Variants in PSD3 observed in about 807,000 individuals in gnomAD.
PSD3 encodes pleckstrin and Sec7 domain containing 3, also known as PH and SEC7 domain-containing protein 3.
In PSD3, 49 loss-of-function variants were observed where a neutral mutation model predicts 105.5. That is an observed-to-expected ratio of 0.46 (90% CI 0.37 to 0.59). The LOEUF is 0.59. Ranked by LOEUF, PSD3 falls within the 20% of genes least tolerant of loss-of-function variation. The pLI, the probability that PSD3 is intolerant of heterozygous loss-of-function variation, is 0.00. For missense variants in PSD3, 1,561 were observed against 1,263.8 expected, an observed-to-expected ratio of 1.24 and a Z score of -3.57; for synonymous variants, 557 against 457.8, an observed-to-expected ratio of 1.22 and a Z score of -2.77.
intron 9 of PSD3, among the ~76,000 whole-genome samples, chr8:18,762,327 G>A (rs762902753): frequency 8.5e-5 from 13 of 152,192 alleles, no homozygotes; most frequent in East Asian, 1.9e-4. Context: ...CTTCTGCCAC[G>A]ATTTTAGGTT....
At chr8:18,952,995 T>G (rs1383518272) in intron 1 of PSD3, among the ~76,000 whole-genome samples, 1 of 152,086 alleles carries the variant, frequency 6.6e-6, no homozygotes, top group Non-Finnish European at 1.5e-5. Context: ...CAACATATAT[T>G]TAAATATCTA....
rs28610925 is a variant in PSD3 at position 18,690,205 on chromosome 8, C to T, written c.2173-34520G>A. On this transcript the variant is annotated intron_variant, in intron 9 of 15. Coordinates refer to ENST00000327040, the MANE Select transcript of PSD3 (RefSeq NM_015310.4). ...AGGACAAAATCAACTGTACCAATAG[C>T]GTAGGAACTGGTCTTGGAGTCCTGA... Among the ~76,000 whole-genome samples, 1,186 of 152,224 alleles carry T rather than the reference C, an allele frequency of 7.8e-3. 16 individuals carry two copies. The highest frequency in any genetic ancestry group is 0.026 in the African/African-American group (1,095 of 41,518).
chr8:18,945,401 G>A (rs1225186819), intron 1 of PSD3, among the ~76,000 whole-genome samples: 1 of 152,210 alleles, frequency 6.6e-6, no homozygotes, highest in Admixed American at 6.5e-5. Flanking sequence ...TTTGAAGATG[G>A]AGGAAGGGGC....
chr8:18,842,970 C>A (rs1292705428), intron 4 of PSD3, among the ~76,000 whole-genome samples: 4 of 152,136 alleles, frequency 2.6e-5, no homozygotes, highest in Non-Finnish European at 5.9e-5. Flanking sequence ...TCATATCATT[C>A]TTTTATAAAG....
intron 10 of PSD3, among the ~76,000 whole-genome samples, chr8:18,634,058 A>G (rs563725436): frequency 5.9e-5 from 9 of 152,042 alleles, no homozygotes; most frequent in Non-Finnish European, 1.0e-4. Flanking sequence ...CCATTTGTAT[A>G]TCTTCTTTTG....
At chr8:18,702,623 C>T (rs2004292) in intron 9 of PSD3, among the ~76,000 whole-genome samples, 78,996 of 150,926 alleles carry the variant, frequency 0.52, 23,237 homozygotes, top group African/African-American at 0.8. Flanking sequence ...TTCTTTCTTT[C>T]TTTTTTTGAG....
intron 1 of PSD3, among the ~76,000 whole-genome samples, chr8:18,976,899 A>G (rs909401600): frequency 2.0e-5 from 3 of 152,218 alleles, no homozygotes; most frequent in African/African-American, 7.2e-5. Context: ...CAAAGGACGT[A>G]TATGTGGCTG....
At chr8:19,058,702 T>G (rs778338112) in intron 1 of PSD3, among the ~76,000 whole-genome samples, 1 of 152,116 alleles carries the variant, frequency 6.6e-6, no homozygotes, top group Admixed American at 6.5e-5. Context: ...TTTCTTGAAG[T>G]TTGGAGATGT....
At chr8:18,542,109 C>A (rs901605060) in intron 15 of PSD3, among the ~76,000 whole-genome samples, 1 of 152,110 alleles carries the variant, frequency 6.6e-6, no homozygotes, top group Non-Finnish European at 1.5e-5. Context: ...CCACTGTGAG[C>A]TTCAAAATAA....
intron 1 of PSD3, among the ~76,000 whole-genome samples, chr8:19,019,113 T>G (rs568930171): frequency 1.3e-5 from 2 of 152,264 alleles, no homozygotes; most frequent in Admixed American, 6.5e-5. Flanking sequence ...AGTTTCTTAT[T>G]CCTGGTGAAA....
intron 10 of PSD3, among the ~76,000 whole-genome samples, chr8:18,646,693 G>T (rs1375143010): frequency 6.6e-6 from 1 of 152,014 alleles, no homozygotes; most frequent in Non-Finnish European, 1.5e-5. Flanking sequence ...AAACTCTTGG[G>T]TGAAAAGAAA....
intron 1 of PSD3, among the ~76,000 whole-genome samples, chr8:18,985,099 A>G (rs981160633): frequency 6.6e-6 from 1 of 152,106 alleles, no homozygotes; most frequent in Non-Finnish European, 1.5e-5. Flanking sequence ...ACACCCGGCT[A>G]ATTTTTATAT....
At chr8:18,693,828 T>C (rs1388969226) in intron 9 of PSD3, among the ~76,000 whole-genome samples, 2 of 152,204 alleles carry the variant, frequency 1.3e-5, no homozygotes, top group African/African-American at 4.8e-5. Context: ...TTCAATAGAT[T>C]CCTTTTTACT....
chr8:19,064,400 A>G (rs1027846281), intron 1 of PSD3, among the ~76,000 whole-genome samples: 2 of 152,144 alleles, frequency 1.3e-5, no homozygotes, highest in African/African-American at 4.8e-5. Flanking sequence ...TTATTTACAC[A>G]ACAGTTATAC....
intron 3 of PSD3, among the ~76,000 whole-genome samples, chr8:18,868,916 T>C (rs1008946915): frequency 1.3e-5 from 2 of 152,196 alleles, no homozygotes; most frequent in African/African-American, 4.8e-5. Flanking sequence ...GCAACTTTAC[T>C]TAACCTCTCT....
At chr8:18,678,812 C>A (rs1232908391) in intron 9 of PSD3, among the ~76,000 whole-genome samples, 1 of 146,808 alleles carries the variant, frequency 6.8e-6, no homozygotes, top group African/African-American at 2.5e-5. Context: ...AACTCCGTCT[C>A]AAAAAAAAAA....
At chr8:18,601,427 T>C (rs982178553) in intron 11 of PSD3, among the ~76,000 whole-genome samples, 1 of 152,238 alleles carries the variant, frequency 6.6e-6, no homozygotes, top group Non-Finnish European at 1.5e-5. Flanking sequence ...TTAACCTGGA[T>C]ACCTGATTAC....
intron 1 of PSD3, among the ~76,000 whole-genome samples, chr8:19,071,834 C>G (rs189506738): frequency 6.6e-6 from 1 of 152,056 alleles, no homozygotes; most frequent in East Asian, 1.9e-4. Context: ...CTCACCCTCC[C>G]GAGTATCTGG....
intron 9 of PSD3, among the ~76,000 whole-genome samples, chr8:18,718,218 T>C (rs1802725913): frequency 6.6e-6 from 1 of 152,254 alleles, no homozygotes; most frequent in African/African-American, 2.4e-5. Context: ...AATAGTCTTC[T>C]ACCCTCACAA....
Sources: gnomAD v4.1 joint callset for allele counts (sites outside exome capture counted in the v4.1 genomes callset) on GRCh38, gnomAD v4.1.1 for gene constraint, MANE v1.5 for transcripts, NCBI Gene and HGNC (gene_info 2026-07-23, HGNC 2026-07-21) for gene names.